The following AADAT variants were observed in gnomAD, a reference collection of about 807,000 sequenced individuals.
AADAT encodes the protein aminoadipate aminotransferase, also known as kynurenine/alpha-aminoadipate aminotransferase, mitochondrial.
In AADAT, 25 loss-of-function variants were observed where a neutral mutation model predicts 56.2. The ratio of observed to expected loss-of-function variants is 0.44; its 90% CI spans 0.32 to 0.62. AADAT has a LOEUF of 0.62. AADAT is among the 20% of genes least tolerant of loss of function. The pLI, the probability that AADAT is intolerant of heterozygous loss-of-function variation, is 0.04. For synonymous variants in AADAT, 173 were observed against 164.7 expected (o/e 1.05, Z -0.39); for missense variants, 387 against 510.5 (o/e 0.76, Z 2.33).
At chr4:170,063,304 T>C (rs771869091) in intron 11 of AADAT, among the ~76,000 whole-genome samples, 2 of 152,068 alleles carry the variant, frequency 1.3e-5, no homozygotes, top group Non-Finnish European at 2.9e-5. Context: ...CTGGAGATTA[T>C]TTAGAAAAGG....
chr4:170,065,416 T>TA (rs902408829), intron 10 of AADAT, among the ~76,000 whole-genome samples: 3 of 152,034 alleles, frequency 2.0e-5, no homozygotes, highest in African/African-American at 7.2e-5. Flanking sequence ...ACTATCTTTT[T>TA]AAAAAAAGAA....
intron 3 of AADAT, among the ~76,000 whole-genome samples, chr4:170,080,902 C>T (rs542876857): frequency 6.6e-6 from 1 of 152,182 alleles, no homozygotes; most frequent in Admixed American, 6.5e-5. Context: ...TGTATACATA[C>T]AAGAAACAAT....
At chr4:170,066,313 C>G in intron 10 of AADAT, 101 bp downstream of exon 10, 1 of 1,024,122 alleles carries the variant, frequency 9.8e-7, no homozygotes, top group East Asian at 2.4e-5. Flanking sequence ...TACTCCTGGA[C>G]TGTTTCTTTT....
chr4:170,078,317 A>G (rs79603910), intron 4 of AADAT, among the ~76,000 whole-genome samples, 192 bp downstream of exon 4: 10,176 of 152,284 alleles, frequency 0.067, 478 homozygotes, highest in Non-Finnish European at 0.1. Flanking sequence ...TACATTTCAC[A>G]TACTTTGTAT....
intron 10 of AADAT, 39 bp from the exon 11 acceptor site, chr4:170,064,864 A>T: frequency 1.9e-6 from 3 of 1,571,352 alleles, no homozygotes; most frequent in Non-Finnish European, 2.6e-6. Context: ...TTCCAAAGGA[A>T]GGCATTTTTG....
intron 4 of AADAT, among the ~76,000 whole-genome samples, chr4:170,075,421 T>C (rs1731983839): frequency 6.6e-6 from 1 of 152,220 alleles, no homozygotes; most frequent in African/African-American, 2.4e-5. Flanking sequence ...TGTAACACCA[T>C]GCTCCTGGGC....
chr4:170,078,998 C>T (rs1732168564), intron 3 of AADAT, among the ~76,000 whole-genome samples: 1 of 152,056 alleles, frequency 6.6e-6, no homozygotes. Flanking sequence ...TACTATACGC[C>T]AGGCCTGTGT....
At chr4:170,065,157 A>G (rs115539054) in intron 10 of AADAT, among the ~76,000 whole-genome samples, 3,182 of 152,340 alleles carry the variant, frequency 0.021, 59 homozygotes, top group Admixed American at 0.035. Context: ...ATACCTAGAC[A>G]AACATGGCTA....
At chr4:170,077,614 A>G (rs1475554036) in intron 4 of AADAT, among the ~76,000 whole-genome samples, 1 of 152,192 alleles carries the variant, frequency 6.6e-6, no homozygotes, top group African/African-American at 2.4e-5. Context: ...CTTTAGCCAT[A>G]TTTGTGTTAG....
chr4:170,077,209 C>G (rs1429769574), intron 4 of AADAT, among the ~76,000 whole-genome samples: 1 of 152,120 alleles, frequency 6.6e-6, no homozygotes, highest in African/African-American at 2.4e-5. Flanking sequence ...TGAGGACTGG[C>G]TTTTCCATTT....
At chr4:170,064,572 TAATGC>T (rs1313349235) in intron 11 of AADAT, 142 bp downstream of exon 11, 13 of 614,862 alleles carry the variant, frequency 2.1e-5, no homozygotes, top group Non-Finnish European at 3.3e-5. Context: ...ACGATTTTGA[TAATGC>T]AATAAAATAT....
intron 3 of AADAT, among the ~76,000 whole-genome samples, chr4:170,085,950 G>T (rs1581597174): frequency 6.6e-6 from 1 of 152,094 alleles, no homozygotes; most frequent in African/African-American, 2.4e-5. Flanking sequence ...GATTAATTTA[G>T]ATCTGAGAAT....
intron 6 of AADAT, 32 bp from the exon 7 acceptor site, chr4:170,069,262 C>A: frequency 6.4e-7 from 1 of 1,560,652 alleles, no homozygotes; most frequent in South Asian, 1.1e-5. Flanking sequence ...TACTGTTGGT[C>A]TGAAAGCTCT....
At chr4:170,080,485 C>T (rs1245786535) in intron 3 of AADAT, among the ~76,000 whole-genome samples, 3 of 152,174 alleles carry the variant, frequency 2.0e-5, no homozygotes, top group Admixed American at 6.6e-5. Context: ...AAAAACATCC[C>T]TGAGGACAGG....
rs116231186 is a variant in AADAT, at chr4:170,060,796, C to A, written c.*132G>T. 948 of 601,120 alleles carry A rather than the reference C, an allele frequency of 1.6e-3. 6 individuals are homozygous for A. The African/African-American group carries it at 0.016, about 10-fold the overall frequency. 37.2% of individuals were successfully genotyped at this position (601,120 alleles called of 1,614,324 possible). A position where few individuals can be genotyped will look rare whatever the true frequency, so the allele number is the denominator to read the frequency against. On this transcript the variant is annotated 3_prime_UTR_variant, in exon 13 of 13. Coordinates refer to ENST00000337664, the MANE Select transcript of AADAT (RefSeq NM_016228.4). ...CCATGCAGGCCAGAGTGCATGCAGG[C>A]CAGAGTGCAGTGGTGTGATCGTAGC...
At position 170,070,643 on chromosome 4, in the gene AADAT, T is replaced by C; in HGVS notation, c.664A>G (p.Lys222Glu). 1.3e-6 allele frequency: 2 copies of C among 1,569,004 alleles called. No homozygotes were observed. The highest frequency in any genetic ancestry group is 2.3e-5 in the South Asian group (2 of 86,968). ...RKKEIYELAR[K>E]YDFLIIEDDP... ...TCTTCTATTATGAGGAAATCATATT[T>C]TCTTGCAAGCTAAAAAAGGTTGAAG... The change falls in exon 6 of 13, where the codon AAA (lysine) becomes GAA (glutamate). Residue 222 changes from lysine (K) to glutamate (E), a missense_variant. By Grantham distance (56) the Lys-to-Glu change is moderately conservative. Transcript: ENST00000337664.
chr4:170,082,574 C>G (rs933258176), intron 3 of AADAT, among the ~76,000 whole-genome samples: 1 of 152,074 alleles, frequency 6.6e-6, no homozygotes, highest in African/African-American at 2.4e-5. Flanking sequence ...GTAGTAAGTT[C>G]TAACTTATCA....
rs1160415427 is a variant in AADAT, at chr4:170,061,993, C to G, written c.1135G>C (p.Val379Leu). 6.2e-7 allele frequency: 1 copy of G among 1,606,506 alleles called. No homozygotes were observed. The highest frequency in any genetic ancestry group is 1.7e-5 in the Admixed American group (1 of 59,740). ...LIEEKAVKMG[V>L]LMLPGNAFYV... ...AAAGCATTTCCAGGGAGCATTAATA[C>G]CTAAGAGAGTTTGTGGAAGATAAGT... Residue 379 changes from valine (V) to leucine (L), a missense_variant and splice_region_variant, in exon 12 of 13, where the codon GTA (valine) becomes CTA (leucine). By Grantham distance (32) the Val-to-Leu change is conservative. Transcript: ENST00000337664.
chr4:170,072,971 T>C (rs1279649991), intron 5 of AADAT, among the ~76,000 whole-genome samples, 165 bp downstream of exon 5: 1 of 152,222 alleles, frequency 6.6e-6, no homozygotes, highest in African/African-American at 2.4e-5. Context: ...AGAAATTTAT[T>C]GTGTCTAAAT....
Sources: allele counts gnomAD v4.1 joint callset (sites outside exome capture counted in the v4.1 genomes callset), GRCh38; gene constraint gnomAD v4.1.1; transcripts MANE v1.5; gene names NCBI Gene and HGNC (gene_info 2026-07-23, HGNC 2026-07-21).